Variants in CDC123 observed in about 807,000 individuals in gnomAD.
The protein encoded by CDC123 is cell division cycle 123.
CDC123 carries 37 observed loss-of-function variants against 54.4 expected under a neutral mutation model. The ratio of observed to expected loss-of-function variants is 0.68; its 90% CI spans 0.52 to 0.89. CDC123 has a LOEUF of 0.89. Ranked by LOEUF, CDC123 falls within the 40% of genes least tolerant of loss-of-function variation. CDC123 has a pLI of 0.00. For missense variants in CDC123, 361 were observed against 412.1 expected (o/e 0.88, Z 1.07); for synonymous variants, 144 against 136.8 (o/e 1.05, Z -0.37).
chr10:12,233,742 A>G (rs1428226720), intron 7 of CDC123, among the ~76,000 whole-genome samples: 1 of 152,154 alleles, frequency 6.6e-6, no homozygotes, highest in Non-Finnish European at 1.5e-5. Flanking sequence ...AGAGCTTATA[A>G]TAAATGAAAA....
chr10:12,200,124 T>TTTTTTTTTTTTTTTA (rs2131729368), intron 2 of CDC123, among the ~76,000 whole-genome samples: 1 of 114,846 alleles, frequency 8.7e-6, no homozygotes, highest in East Asian at 2.6e-4. Flanking sequence ...CTCGGCATTT[T>TTTTTTTTTTTTTTTA]TTTTTTTTTT....
At chr10:12,243,778 C>T (rs1836091606) in intron 10 of CDC123, among the ~76,000 whole-genome samples, 1 of 139,340 alleles carries the variant, frequency 7.2e-6, no homozygotes, top group Admixed American at 7.4e-5. Context: ...AGCGAGACTC[C>T]ATCTCAAAAA....
At chr10:12,207,475 T>G (rs1835538603) in intron 2 of CDC123, among the ~76,000 whole-genome samples, 1 of 152,236 alleles carries the variant, frequency 6.6e-6, no homozygotes, top group Admixed American at 6.5e-5. Flanking sequence ...AAAACGTTTT[T>G]CATCTTGGAG....
intron 8 of CDC123, among the ~76,000 whole-genome samples, chr10:12,235,472 TA>T (rs1338513067): frequency 1.3e-5 from 2 of 152,222 alleles, no homozygotes; most frequent in Non-Finnish European, 2.9e-5. Context: ...TCAAGCGTCA[TA>T]AAAAGCCAAG....
chr10:12,213,447 G>C (rs1380494273), intron 4 of CDC123, among the ~76,000 whole-genome samples: 1 of 152,126 alleles, frequency 6.6e-6, no homozygotes, highest in African/African-American at 2.4e-5. Flanking sequence ...GTCATAAATG[G>C]TAAGAACAAC....
At chr10:12,225,261 G>A (rs1835794895) in intron 6 of CDC123, among the ~76,000 whole-genome samples, 1 of 152,150 alleles carries the variant, frequency 6.6e-6, no homozygotes, top group African/African-American at 2.4e-5. Flanking sequence ...TGGGCTTGGT[G>A]GCACACGCCT....
chr10:12,237,410 ATAGT>A (rs1240593590), intron 9 of CDC123, 144 bp downstream of exon 9: 6 of 585,144 alleles, frequency 1.0e-5, no homozygotes, highest in Non-Finnish European at 1.3e-5. Flanking sequence ...GTTATTTTTG[ATAGT>A]TTGTATGTTA....
At chr10:12,248,801 G>A (rs1316950827) in intron 11 of CDC123, among the ~76,000 whole-genome samples, 16 of 90,294 alleles carry the variant, frequency 1.8e-4, no homozygotes, top group African/African-American at 6.9e-4. Flanking sequence ...GTAAAACTTC[G>A]TCTAAAAAAA....
rs2271804 is a variant in CDC123, at chr10:12,210,218, G to A, written c.205-72G>A. ...CCTGTTTGATTTATAATTTTTAGAT[G>A]GAGCACTGCTTTTTGAAGCCCAGTG... On this transcript the variant is annotated intron_variant, in intron 3 of 12. Transcript: ENST00000281141. The A allele has an allele frequency of 0.51, 792,026 of 1,555,540 alleles. 205,965 individuals carry two copies. Among genetic ancestry groups the A allele is most frequent in the Middle Eastern group, 0.55 (3,160 of 5,700 alleles).
At chr10:12,227,139 C>A (rs1379831745) in intron 6 of CDC123, among the ~76,000 whole-genome samples, 1 of 152,102 alleles carries the variant, frequency 6.6e-6, no homozygotes, top group African/African-American at 2.4e-5. Flanking sequence ...GCCTGCAATC[C>A]CAGGCACTCG....
chr10:12,241,737 T>G (rs1836060015), intron 10 of CDC123, among the ~76,000 whole-genome samples: 1 of 152,212 alleles, frequency 6.6e-6, no homozygotes, highest in Non-Finnish European at 1.5e-5. Flanking sequence ...TCCAAAATTT[T>G]GGGTTTTTCA....
chr10:12,209,863 C>G (rs1207569240), intron 2 of CDC123, 104 bp from the exon 3 acceptor site: 5 of 1,114,736 alleles, frequency 4.5e-6, no homozygotes, highest in African/African-American at 1.5e-5. Flanking sequence ...CACACCTAGC[C>G]TAATTTTAAG....
intron 11 of CDC123, 42 bp from the exon 12 acceptor site, chr10:12,249,539 A>C: frequency 6.4e-7 from 1 of 1,555,820 alleles, no homozygotes; most frequent in Non-Finnish European, 8.5e-7. Context: ...AGGCCTAAAA[A>C]TAAATGATTG....
intron 6 of CDC123, among the ~76,000 whole-genome samples, chr10:12,229,627 T>G (rs1296627257): frequency 1.3e-5 from 2 of 152,250 alleles, no homozygotes; most frequent in Non-Finnish European, 2.9e-5. Flanking sequence ...CTCTAGTGTT[T>G]TTAAAATTGT....
At chr10:12,231,191 T>C (rs1835898192) in intron 7 of CDC123, among the ~76,000 whole-genome samples, 195 bp downstream of exon 7, 1 of 152,212 alleles carries the variant, frequency 6.6e-6, no homozygotes, top group Admixed American at 6.5e-5. Flanking sequence ...ACCAAATACA[T>C]GTATGCAGTA....
intron 12 of CDC123, 198 bp from the exon 13 acceptor site, chr10:12,250,113 G>C (rs1156877227): frequency 6.0e-6 from 3 of 498,242 alleles, no homozygotes; most frequent in Non-Finnish European, 1.1e-5. Context: ...ATGGAAGAAA[G>C]AGAAGAAAAT....
At chr10:12,209,113 G>A (rs1346534607) in intron 2 of CDC123, among the ~76,000 whole-genome samples, 2 of 152,132 alleles carry the variant, frequency 1.3e-5, no homozygotes, top group Non-Finnish European at 2.9e-5. Context: ...TCAGAGTCTA[G>A]ATGATTCTCA....
chr10:12,228,431 T>G (rs1835857364), intron 6 of CDC123, among the ~76,000 whole-genome samples: 1 of 149,460 alleles, frequency 6.7e-6, no homozygotes, highest in Non-Finnish European at 1.5e-5. Flanking sequence ...TTTGAAACGG[T>G]GTCTTACTCG....
intron 6 of CDC123, among the ~76,000 whole-genome samples, chr10:12,228,629 G>A (rs908354648): frequency 6.6e-6 from 1 of 152,100 alleles, no homozygotes; most frequent in Non-Finnish European, 1.5e-5. Context: ...GGAGTGCAAC[G>A]GCGCGATCTT....
Sources: gnomAD v4.1 joint callset for allele counts (sites outside exome capture counted in the v4.1 genomes callset) on GRCh38, gnomAD v4.1.1 for gene constraint, MANE v1.5 for transcripts, NCBI Gene and HGNC (gene_info 2026-07-23, HGNC 2026-07-21) for gene names.